DMD: variants seen among roughly 807,000 people sequenced by gnomAD.
The protein encoded by DMD is dystrophin.
DMD carries 63 observed loss-of-function variants against 330.1 expected under a neutral mutation model. The ratio of observed to expected loss-of-function variants is 0.19; its 90% CI spans 0.16 to 0.24. DMD has a LOEUF of 0.24. Ranked by LOEUF, DMD falls within the 10% of genes least tolerant of loss-of-function variation. The pLI, the probability that DMD is intolerant of heterozygous loss-of-function variation, is 1.00. For synonymous variants in DMD, 1,223 were observed against 959.8 expected, an observed-to-expected ratio of 1.27 and a Z score of -5.07; for missense variants, 3,344 against 2,684.1, an observed-to-expected ratio of 1.25 and a Z score of -5.43.
At position 31,264,589 on chromosome X, in the gene DMD, G is replaced by A. The variant is rs140952931; in HGVS notation, c.9225-3573C>T. Among the ~76,000 whole-genome samples, 575 of 112,080 alleles carry A rather than the reference G, an allele frequency of 5.1e-3. 3 individuals are homozygous for A. Among genetic ancestry groups the A allele is most frequent in the African/African-American group, 0.018 (558 of 30,861 alleles). ...GGCATCAGATATGCCTCTCTGAGCA[G>A]TATTTATACGAAGATTTCCCCTCTC... On this transcript the variant is annotated intron_variant, in intron 62 of 78. Coordinates refer to ENST00000357033, the MANE Select transcript of DMD (RefSeq NM_004006.3).
At position 31,348,639 on chromosome X, in the gene DMD, G is replaced by A. The variant is rs2058229756; in HGVS notation, c.9085-5C>T. 2 of 1,197,316 alleles carry A rather than the reference G, an allele frequency of 1.7e-6. No individual in the cohort carries two copies. Among genetic ancestry groups the A allele is most frequent in the South Asian group, 1.8e-5 (1 of 55,872 alleles). ...GACTCGGTCCTCGACGGCCACCTGG[G>A]AGGAAAAGGAGAGAAATGATGTTCT... On this transcript the variant is annotated splice_polypyrimidine_tract_variant and splice_region_variant and intron_variant, in intron 60 of 78. Transcript: ENST00000357033.
intron 60 of DMD, among the ~76,000 whole-genome samples, chrX:31,369,912 A>G (rs368919439): frequency 1.8e-5 from 2 of 110,849 alleles, no homozygotes; most frequent in East Asian, 5.6e-4. Flanking sequence ...AGGAGAGCCA[A>G]AATGGTGAAA....
In DMD at chrX:32,043,815, A is replaced by C. The variant is rs1220889792; in HGVS notation, c.6439-75301T>G. ...TTTTAATCATTATAATCAGACTCCT[A>C]CATTACATACCACTGATTTTAATTT... is the stretch of plus-strand genomic sequence containing the variant. On this transcript the variant is annotated intron_variant, in intron 44 of 78. Coordinates refer to ENST00000357033, the MANE Select transcript of DMD (RefSeq NM_004006.3). Among the ~76,000 whole-genome samples the C allele has an allele frequency of 3.6e-5, 4 of 112,386 alleles. No homozygotes were observed. The East Asian group carries it at 1.1e-3, about 31-fold the overall frequency.
chrX:31,256,318 T>C (rs953791908), intron 63 of DMD, among the ~76,000 whole-genome samples: 2 of 112,071 alleles, frequency 1.8e-5, no homozygotes, highest in Non-Finnish European at 3.8e-5. Flanking sequence ...AAAAATTTTC[T>C]GGGGACTCAA....
intron 47 of DMD, among the ~76,000 whole-genome samples, chrX:31,919,578 A>T (rs2094659326): frequency 8.9e-6 from 1 of 112,073 alleles, no homozygotes; most frequent in Non-Finnish European, 1.9e-5. Context: ...CCAAAGATGG[A>T]CTATACTTGT....
intron 44 of DMD, among the ~76,000 whole-genome samples, chrX:32,171,659 GA>G (rs2096888068): frequency 1.8e-5 from 2 of 111,064 alleles, no homozygotes; most frequent in African/African-American, 6.5e-5. Flanking sequence ...TCTAAGAGAT[GA>G]AAAATAAAGA....
At chrX:32,532,923 A>G (rs1326049974) in intron 17 of DMD, among the ~76,000 whole-genome samples, 1 of 112,410 alleles carries the variant, frequency 8.9e-6, no homozygotes, top group Admixed American at 9.4e-5. Context: ...CTATGGGACA[A>G]ATATGGTCTG....
Position 32,033,615 on chromosome X carries a change from A to C in DMD, c.6439-65101T>G, listed in dbSNP as rs373948777. Among the ~76,000 whole-genome samples, 55 of 64,182 alleles carry C rather than the reference A, an allele frequency of 8.6e-4. 1 individual carries two copies. The highest frequency in any genetic ancestry group is 2.4e-3 in the South Asian group (3 of 1,263). The allele number at this position is 64,182 out of a possible 115,157, so 55.7% of individuals were successfully genotyped here. ...ACAGACAGACAGACAGAAAGAAAGA[A>C]AGAAAGAAAGAAAGAAAGAAAGAAA... On this transcript the variant is annotated intron_variant, in intron 44 of 78. Coordinates refer to ENST00000357033, the MANE Select transcript of DMD (RefSeq NM_004006.3).
At chrX:32,508,714 G>T (rs2044904474) in intron 18 of DMD, among the ~76,000 whole-genome samples, 1 of 112,127 alleles carries the variant, frequency 8.9e-6, no homozygotes, top group Admixed American at 9.4e-5. Flanking sequence ...GAGAAAAATG[G>T]TTTGACATAA....
intron 7 of DMD, among the ~76,000 whole-genome samples, chrX:32,772,615 C>T (rs895775767): frequency 8.9e-6 from 1 of 111,936 alleles, no homozygotes; most frequent in Admixed American, 9.5e-5. Flanking sequence ...ATGCTCTTTA[C>T]TCTTACATAG....
At position 32,753,593 on chromosome X, in the gene DMD, A is replaced by G. The variant is rs182215954; in HGVS notation, c.650-54300T>C. Among the ~76,000 whole-genome samples the G allele has an allele frequency of 1.1e-4, 12 of 112,210 alleles. No homozygotes were observed. The Admixed American group carries it at 1.1e-3, about 11-fold the overall frequency. ...CTTCCCTCAGCTGTGGGTGTTCTATAACATTTAATTGGCTTTCTTAAAATC... is the reference window on the plus strand; with the variant it reads ...CTTCCCTCAGCTGTGGGTGTTCTATGACATTTAATTGGCTTTCTTAAAATC... On this transcript the variant is annotated intron_variant, in intron 7 of 78. Transcript: ENST00000357033.
intron 2 of DMD, among the ~76,000 whole-genome samples, chrX:32,965,680 T>C (rs1217101946): frequency 1.8e-5 from 2 of 111,215 alleles, no homozygotes; most frequent in Non-Finnish European, 1.9e-5. Context: ...ATGGTATGCA[T>C]TATGTTACTT....
intron 1 of DMD, among the ~76,000 whole-genome samples, chrX:33,153,872 C>T (rs1360196070): frequency 3.6e-5 from 4 of 112,019 alleles, no homozygotes; most frequent in African/African-American, 9.7e-5. Context: ...AAGGCACAGA[C>T]ATCTTCAGTA....
intron 25 of DMD, among the ~76,000 whole-genome samples, chrX:32,456,067 A>C (rs1005174510): frequency 9.0e-5 from 9 of 99,971 alleles, no homozygotes; most frequent in African/African-American, 1.1e-4. Flanking sequence ...TTGAAACAAC[A>C]TTATACATTT....
At chrX:32,307,145 C>T (rs1348991671) in intron 42 of DMD, among the ~76,000 whole-genome samples, 4 of 110,810 alleles carry the variant, frequency 3.6e-5, no homozygotes, top group Non-Finnish European at 7.6e-5. Context: ...TAAGCAGATT[C>T]GAAGACAAGG....
At position 31,182,898 on chromosome X, in the gene DMD, T is replaced by C. The variant is rs2041313493; in HGVS notation, c.9814A>G (p.Asn3272Asp). Residue 3272 changes from asparagine (N) to aspartate (D), a missense_variant, in exon 68 of 79, where the codon AAT (asparagine) becomes GAT (aspartate). By Grantham distance (23) the Asn-to-Asp change is conservative. Coordinates refer to ENST00000357033, the MANE Select transcript of DMD (RefSeq NM_004006.3). ...AGGGCCGCTTCGATCTCTGGCTTAT[T>C]ATTAGCCTGCAAAGACAGGAGGGAG... ...SVRSCFQFAN[N>D]KPEIEAALFL... is the part of the protein sequence containing the mutation. 1 of 1,207,010 alleles carries C rather than the reference T, an allele frequency of 8.3e-7. No homozygotes were observed. The highest frequency in any genetic ancestry group is 1.8e-5 in the South Asian group (1 of 56,555).
intron 7 of DMD, among the ~76,000 whole-genome samples, chrX:32,800,917 A>G (rs1005192884): frequency 1.8e-5 from 2 of 111,757 alleles, no homozygotes; most frequent in Non-Finnish European, 3.8e-5. Flanking sequence ...TCCATGGTGT[A>G]TATGTGCCAA....
intron 57 of DMD, among the ~76,000 whole-genome samples, chrX:31,481,724 G>A (rs998056958): frequency 8.9e-6 from 1 of 111,919 alleles, no homozygotes; most frequent in African/African-American, 3.3e-5. Context: ...ATCCAAGAGG[G>A]TCAAACGGTT....
At chrX:31,387,691 C>T (rs967022728) in intron 60 of DMD, among the ~76,000 whole-genome samples, 14 of 111,852 alleles carry the variant, frequency 1.3e-4, no homozygotes, top group Admixed American at 9.4e-4. Context: ...TGAGCCACCA[C>T]ACCTGGCCTA....
Sources: gnomAD v4.1 joint callset for allele counts (sites outside exome capture counted in the v4.1 genomes callset) on GRCh38, gnomAD v4.1.1 for gene constraint, MANE v1.5 for transcripts, NCBI Gene and HGNC (gene_info 2026-07-23, HGNC 2026-07-21) for gene names.